Variants in EBF1 observed in about 807,000 individuals in gnomAD.
The protein encoded by EBF1 is EBF transcription factor 1.
A neutral mutation model predicts 68.4 loss-of-function variants in EBF1; 10 were observed. The observed-to-expected ratio is 0.15, with a 90% CI of 0.09 to 0.25. The LOEUF is 0.25. EBF1 is among the 10% of genes least tolerant of loss of function. The pLI, the probability that EBF1 is intolerant of heterozygous loss-of-function variation, is 1.00. For missense variants in EBF1, 509 were observed against 794.4 expected, an observed-to-expected ratio of 0.64 and a Z score of 4.32; for synonymous variants, 298 against 299.8, an observed-to-expected ratio of 0.99 and a Z score of 0.06.
chr5:159,016,262 C>A (rs1468755048), intron 6 of EBF1, among the ~76,000 whole-genome samples: 2 of 152,194 alleles, frequency 1.3e-5, no homozygotes, highest in Non-Finnish European at 2.9e-5. Flanking sequence ...TTGATGAGAT[C>A]TACAAACACA....
At chr5:158,730,366 A>G (rs1763853411) in intron 11 of EBF1, among the ~76,000 whole-genome samples, 2 of 152,342 alleles carry the variant, frequency 1.3e-5, no homozygotes, top group South Asian at 4.1e-4. Flanking sequence ...CCTCAGGTAC[A>G]GGGATGGGGA....
intron 11 of EBF1, among the ~76,000 whole-genome samples, chr5:158,717,100 G>T (rs1036735601): frequency 1.3e-5 from 2 of 152,172 alleles, no homozygotes; most frequent in Non-Finnish European, 2.9e-5. Flanking sequence ...ATTGTATATT[G>T]CACTTAAAGT....
Position 158,988,236 on chromosome 5 carries a change from C to G in EBF1, c.554+85160G>C, listed in dbSNP as rs191143168. Among the ~76,000 whole-genome samples the G allele has an allele frequency of 4.7e-4, 72 of 152,264 alleles. No homozygotes were observed. The East Asian group carries it at 9.1e-3, about 19-fold the overall frequency. On this transcript the variant is annotated intron_variant, in intron 6 of 15. Transcript: ENST00000313708. ...GTTATTTTTCCTGCCCAGTGCCCCC[C>G]CTTCTCTTCGTAATTGTACTTTTCC...
chr5:158,714,108 A>C lies in EBF1; in HGVS notation c.1191+9T>G. On this transcript the variant is annotated intron_variant, in intron 12 of 15. Transcript: ENST00000313708. Reference sequence around the variant, plus strand: ...CAGTCCACACAGGCTAGACACCCACAGCGCTCACCTGGTTGTTGTGTGGCA... The same window carrying C: ...CAGTCCACACAGGCTAGACACCCACCGCGCTCACCTGGTTGTTGTGTGGCA... The C allele has an allele frequency of 6.2e-7, 1 of 1,614,182 alleles. No individual in the cohort carries two copies.
At chr5:158,909,956 TAAAAAAAAAAAAAAA>T (rs59274919) in intron 6 of EBF1, among the ~76,000 whole-genome samples, 5 of 46,738 alleles carry the variant, frequency 1.1e-4, no homozygotes, top group African/African-American at 2.2e-4. Flanking sequence ...ACTCTGTCTA[TAAAAAAAAAAAAAAA>T]AAAAAAAAAA....
At chr5:158,890,415 G>A (rs1036262576) in intron 6 of EBF1, among the ~76,000 whole-genome samples, 2 of 152,106 alleles carry the variant, frequency 1.3e-5, no homozygotes, top group African/African-American at 4.8e-5. Flanking sequence ...ACTTCTACAT[G>A]CCTCTCAGAA....
intron 8 of EBF1, among the ~76,000 whole-genome samples, chr5:158,819,331 G>C (rs1205168944): frequency 6.6e-6 from 1 of 152,198 alleles, no homozygotes; most frequent in Non-Finnish European, 1.5e-5. Flanking sequence ...TCAGAATGAT[G>C]AGCACGGGCA....
At chr5:158,712,040 G>A (rs899887483) in intron 14 of EBF1, 114 bp downstream of exon 14, 3 of 1,294,592 alleles carry the variant, frequency 2.3e-6, no homozygotes, top group Non-Finnish European at 3.2e-6. Flanking sequence ...TGCCTTACAG[G>A]AGGGAAAGAT....
chr5:158,823,086 A>G, intron 8 of EBF1, 90 bp downstream of exon 8: 2 of 1,564,704 alleles, frequency 1.3e-6, no homozygotes, highest in South Asian at 2.3e-5. Context: ...AATTTGAAAC[A>G]GAATAGAACA....
chr5:158,729,209 T>C (rs962127523), intron 11 of EBF1, among the ~76,000 whole-genome samples: 2 of 152,190 alleles, frequency 1.3e-5, no homozygotes, highest in African/African-American at 4.8e-5. Context: ...GATGAGGACA[T>C]TGAGGCACAG....
intron 10 of EBF1, among the ~76,000 whole-genome samples, chr5:158,775,222 G>A (rs1445862711): frequency 1.3e-5 from 2 of 149,320 alleles, no homozygotes; most frequent in Non-Finnish European, 3.0e-5. Flanking sequence ...TTTTTTTTTA[G>A]TGTTTAAAAA....
intron 6 of EBF1, among the ~76,000 whole-genome samples, chr5:158,955,110 G>C (rs933267096): frequency 9.9e-5 from 15 of 152,104 alleles, no homozygotes; most frequent in African/African-American, 3.6e-4. Context: ...GGATCACGAG[G>C]TCAGGAGTTC....
chr5:158,802,867 A>C (rs1780864544), intron 8 of EBF1, among the ~76,000 whole-genome samples: 1 of 152,122 alleles, frequency 6.6e-6, no homozygotes, highest in Non-Finnish European at 1.5e-5. Flanking sequence ...AATTACCATC[A>C]GCTCCCCATT....
In EBF1 at chr5:159,061,732, T is replaced by G. The variant is rs994511485; in HGVS notation, c.554+11664A>C. 1.1e-4 allele frequency among the ~76,000 whole-genome samples: 17 copies of G among 151,386 alleles called. 1 individual carries two copies. The highest frequency in any genetic ancestry group is 3.4e-4 in the African/African-American group (14 of 41,444). ...CACATCACAATGAGATTGTTTTGTT[T>G]TTTTTTTTTTTACGTTTCAATCCTA... On this transcript the variant is annotated intron_variant, in intron 6 of 15. Transcript: ENST00000313708.
At chr5:159,024,468 A>T (rs1406252456) in intron 6 of EBF1, among the ~76,000 whole-genome samples, 1 of 152,202 alleles carries the variant, frequency 6.6e-6, no homozygotes, top group Non-Finnish European at 1.5e-5. Context: ...AACAAAAAAA[A>T]TCAGTGCTTA....
intron 6 of EBF1, among the ~76,000 whole-genome samples, chr5:158,918,964 G>A (rs1429368729): frequency 6.6e-6 from 1 of 152,202 alleles, no homozygotes; most frequent in Admixed American, 6.5e-5. Flanking sequence ...TTCAACTAAG[G>A]CATTCATTAT....
chr5:158,879,430 A>G lies in EBF1; in HGVS notation c.555-39320T>C, dbSNP rs1360211609. On this transcript the variant is annotated intron_variant, in intron 6 of 15. Transcript: ENST00000313708. ...TCTTGGGTGTTTCTACCTGAAAGAT[A>G]ATGAATGTGAGAAAAGAAAGGCACA... is the stretch of plus-strand genomic sequence containing the variant. Among the ~76,000 whole-genome samples the G allele has an allele frequency of 2.0e-5, 3 of 152,230 alleles. No individual in the cohort carries two copies. In the East Asian group the frequency reaches 5.8e-4, roughly 29 times the overall value.
chr5:158,886,563 T>C (rs1288175265), intron 6 of EBF1, among the ~76,000 whole-genome samples: 1 of 152,252 alleles, frequency 6.6e-6, no homozygotes, highest in African/African-American at 2.4e-5. Context: ...TAAGTCATGT[T>C]TCTGTTTCTC....
intron 6 of EBF1, among the ~76,000 whole-genome samples, chr5:158,883,071 A>G (rs1259965867): frequency 2.6e-5 from 4 of 152,096 alleles, no homozygotes; most frequent in African/African-American, 9.7e-5. Flanking sequence ...AGCCATTTTG[A>G]TCCTATCAGT....
Sources: gnomAD v4.1 joint callset for allele counts (sites outside exome capture counted in the v4.1 genomes callset) on GRCh38, gnomAD v4.1.1 for gene constraint, MANE v1.5 for transcripts, NCBI Gene and HGNC (gene_info 2026-07-23, HGNC 2026-07-21) for gene names.